RIMS2: variants seen among roughly 807,000 people sequenced by gnomAD.
The protein encoded by RIMS2 is regulating synaptic membrane exocytosis protein 2.
RIMS2 carries 59 observed loss-of-function variants against 174.4 expected under a neutral mutation model. That is an observed-to-expected ratio of 0.34 (90% CI 0.27 to 0.42). The LOEUF (loss-of-function observed/expected upper bound fraction) is 0.42. Among genes scored for constraint, RIMS2 ranks in the 10% least tolerant of loss-of-function variants. RIMS2 has a pLI of 1.00. For missense variants in RIMS2, 1,620 were observed against 1,666.3 expected (o/e 0.97, Z 0.48); for synonymous variants, 606 against 572.5 (o/e 1.06, Z -0.84).
At chr8:103,884,197 A>T (rs1240964205) in intron 3 of RIMS2, among the ~76,000 whole-genome samples, 1 of 151,770 alleles carries the variant, frequency 6.6e-6, no homozygotes, top group African/African-American at 2.4e-5. Context: ...ATTCTACTGT[A>T]TCCTTTATCT....
chr8:104,003,792 A>T (rs557862676), intron 17 of RIMS2, among the ~76,000 whole-genome samples: 1 of 152,232 alleles, frequency 6.6e-6, no homozygotes, highest in South Asian at 2.1e-4. Flanking sequence ...CTTGGAAGGG[A>T]TTTAATTAGA....
chr8:103,913,599 A>G (rs981288050), intron 6 of RIMS2, among the ~76,000 whole-genome samples: 1 of 152,146 alleles, frequency 6.6e-6, no homozygotes, highest in Non-Finnish European at 1.5e-5. Context: ...TTATAAAGAA[A>G]AGAGGTTTAA....
intron 1 of RIMS2, among the ~76,000 whole-genome samples, chr8:103,574,824 G>A (rs1049321635): frequency 2.0e-5 from 3 of 152,170 alleles, no homozygotes; most frequent in African/African-American, 7.2e-5. Context: ...CACCAAATGT[G>A]TACTTAATGA....
intron 1 of RIMS2, among the ~76,000 whole-genome samples, chr8:103,579,875 C>G (rs2093498471): frequency 1.3e-5 from 2 of 152,256 alleles, no homozygotes; most frequent in Middle Eastern, 3.4e-3. Flanking sequence ...AAAGGGGAAG[C>G]AAGTATGTCT....
chr8:103,885,948 G>C (rs750540599), exon 4 of RIMS2: 5 of 1,612,958 alleles, frequency 3.1e-6, no homozygotes, highest in Non-Finnish European at 4.2e-6. Context: ...GACTTGAGGC[G>C]TACTGACTCA....
In RIMS2 at chr8:103,919,694, T is replaced by C. The variant is rs555836544; in HGVS notation, c.2083+1207T>C. 5.3e-5 allele frequency among the ~76,000 whole-genome samples: 8 copies of C among 152,240 alleles called. No homozygotes were observed. The South Asian group carries it at 1.7e-3, about 32-fold the overall frequency. On this transcript the variant is annotated intron_variant, in intron 9 of 23. Transcript: ENST00000504942. ...CTATTAAAATAGATGTTTTTTACTT[T>C]CATATTTACAATTACAAGTTTCTTT... is the stretch of plus-strand genomic sequence containing the variant.
intron 1 of RIMS2, among the ~76,000 whole-genome samples, chr8:103,558,052 C>A (rs748017357): frequency 6.6e-6 from 1 of 151,804 alleles, no homozygotes; most frequent in Non-Finnish European, 1.5e-5. Flanking sequence ...CATAAAGTAC[C>A]TTTATTTTTT....
At chr8:103,787,547 A>G (rs1324949148) in intron 3 of RIMS2, among the ~76,000 whole-genome samples, 5 of 151,812 alleles carry the variant, frequency 3.3e-5, no homozygotes, top group Non-Finnish European at 5.9e-5. Context: ...GTTTGGCTGG[A>G]TATGAAATTC....
At chr8:103,972,622 C>T (rs2093005982) in intron 15 of RIMS2, among the ~76,000 whole-genome samples, 1 of 152,128 alleles carries the variant, frequency 6.6e-6, no homozygotes, top group African/African-American at 2.4e-5. Flanking sequence ...CTCCAAGCAC[C>T]CTATCCTCCT....
intron 19 of RIMS2, among the ~76,000 whole-genome samples, chr8:104,161,590 A>G (rs149789843): frequency 7.6e-4 from 116 of 152,308 alleles, no homozygotes; most frequent in African/African-American, 2.7e-3. Context: ...TTTAGATTAG[A>G]GTAGAAATGA....
intron 1 of RIMS2, among the ~76,000 whole-genome samples, chr8:103,552,297 C>G (rs1363401087): frequency 2.0e-5 from 3 of 149,902 alleles, no homozygotes; most frequent in African/African-American, 7.3e-5. Flanking sequence ...AAATAATACA[C>G]ATCTACAACC....
intron 19 of RIMS2, among the ~76,000 whole-genome samples, chr8:104,110,403 A>C (rs567516834): frequency 6.6e-6 from 1 of 152,288 alleles, no homozygotes; most frequent in East Asian, 1.9e-4. Flanking sequence ...TGCTGCCTCT[A>C]ACCATTAAAA....
chr8:104,162,213 T>C (rs1391578385), intron 19 of RIMS2, among the ~76,000 whole-genome samples: 1 of 152,158 alleles, frequency 6.6e-6, no homozygotes, highest in Non-Finnish European at 1.5e-5. Context: ...GTAAGGAAAT[T>C]CAAGAAATAC....
chr8:103,529,220 G>C (rs886862801), intron 1 of RIMS2, among the ~76,000 whole-genome samples: 2 of 148,688 alleles, frequency 1.3e-5, no homozygotes, highest in African/African-American at 5.1e-5. Context: ...AAGAATGCTT[G>C]TGATTTTTGC....
At chr8:104,060,390 T>A (rs1352146483) in intron 19 of RIMS2, among the ~76,000 whole-genome samples, 1 of 152,018 alleles carries the variant, frequency 6.6e-6, no homozygotes, top group Non-Finnish European at 1.5e-5. Flanking sequence ...GATGGTAGTT[T>A]GTATTTCTGT....
chr8:103,890,216 C>A (rs929453568), intron 4 of RIMS2, among the ~76,000 whole-genome samples: 2 of 151,906 alleles, frequency 1.3e-5, no homozygotes, highest in African/African-American at 2.4e-5. Flanking sequence ...GTTGGTTTCA[C>A]CTCTTCCAAG....
intron 3 of RIMS2, among the ~76,000 whole-genome samples, chr8:103,795,382 A>G (rs2098541562): frequency 6.8e-6 from 1 of 147,282 alleles, no homozygotes; most frequent in South Asian, 2.3e-4. Context: ...GAAATGAGCA[A>G]TGAGAACACC....
At chr8:104,029,373 G>T (rs2096335417) in intron 19 of RIMS2, among the ~76,000 whole-genome samples, 2 of 152,064 alleles carry the variant, frequency 1.3e-5, no homozygotes, top group Admixed American at 6.6e-5. Context: ...AGTTGCTCTG[G>T]TTCAAATTCT....
intron 1 of RIMS2, among the ~76,000 whole-genome samples, chr8:103,511,887 C>T (rs1826592072): frequency 2.0e-5 from 3 of 152,142 alleles, no homozygotes; most frequent in African/African-American, 7.2e-5. Context: ...CAGAGAAGCC[C>T]TTCCTGTGTG....
Sources: allele counts gnomAD v4.1 joint callset (sites outside exome capture counted in the v4.1 genomes callset), GRCh38; gene constraint gnomAD v4.1.1; transcripts MANE v1.5; gene names NCBI Gene and HGNC (gene_info 2026-07-23, HGNC 2026-07-21).